Variants in DDHD2 observed in about 807,000 individuals in gnomAD.
DDHD2 encodes DDHD domain containing 2, also known as triacylglycerol hydrolase DDHD2.
A neutral mutation model predicts 91.2 loss-of-function variants in DDHD2; 62 were observed. The observed-to-expected ratio is 0.68, with a 90% CI of 0.55 to 0.84. DDHD2 has a LOEUF of 0.84. Among genes scored for constraint, DDHD2 ranks in the 40% least tolerant of loss-of-function variants. DDHD2 has a pLI of 0.00. For missense variants in DDHD2, 740 were observed against 846.9 expected (o/e 0.87, Z 1.57); for synonymous variants, 271 against 293.9 (o/e 0.92, Z 0.80).
chr8:38,254,312 C>A (rs1806345320), intron 16 of DDHD2, among the ~76,000 whole-genome samples: 1 of 152,128 alleles, frequency 6.6e-6, no homozygotes, highest in Admixed American at 6.5e-5. Flanking sequence ...ACAAATATTA[C>A]TGTTGCTGGA....
chr8:38,241,401 C>CT (rs1372174609), intron 6 of DDHD2, among the ~76,000 whole-genome samples: 11 of 149,150 alleles, frequency 7.4e-5, no homozygotes, highest in East Asian at 3.9e-4. Flanking sequence ...TTTCCTTTTC[C>CT]TTTTTTTTTG....
At chr8:38,243,083 AT>A (rs1269392675) in intron 7 of DDHD2, among the ~76,000 whole-genome samples, 3 of 152,134 alleles carry the variant, frequency 2.0e-5, no homozygotes, top group Non-Finnish European at 2.9e-5. Context: ...GTACCCTGTG[AT>A]TTGGGTATAT....
chr8:38,256,612 G>A (rs1045297243), intron 16 of DDHD2, among the ~76,000 whole-genome samples: 1 of 152,138 alleles, frequency 6.6e-6, no homozygotes, highest in Non-Finnish European at 1.5e-5. Flanking sequence ...CATGATCAAT[G>A]TTGTGTATAT....
chr8:38,267,806 GAGAA>G, downstream of DDHD2: 2 of 1,274,128 alleles, frequency 1.6e-6, no homozygotes, highest in South Asian at 2.5e-5. Flanking sequence ...AGAAAAGAAT[GAGAA>G]AGACGTGTGG....
downstream of DDHD2, chr8:38,272,880 T>C (rs928914469): frequency 6.6e-6 from 1 of 152,236 alleles, no homozygotes; most frequent in African/African-American, 2.4e-5. Context: ...CAATTTTCTC[T>C]TTCTGCATCT....
In DDHD2 at chr8:38,243,593, C is replaced by T. The variant is rs182348187; in HGVS notation, c.848+1208C>T. On this transcript the variant is annotated intron_variant, in intron 7 of 17. Transcript: ENST00000397166. ...GTATCTTCATACCTTATCTAATGCC[C>T]CTTCATCACCATATGATTTTTATCT... is the stretch of plus-strand genomic sequence containing the variant. Among the ~76,000 whole-genome samples, 191 of 152,150 alleles carry T rather than the reference C, an allele frequency of 1.3e-3. 1 individual carries two copies. Among genetic ancestry groups the T allele is most frequent in the African/African-American group, 4.2e-3 (176 of 41,522 alleles).
intron 1 of DDHD2, chr8:38,269,349 T>C: frequency 2.5e-6 from 2 of 809,562 alleles, no homozygotes; most frequent in South Asian, 4.7e-5. Flanking sequence ...GAGGGCATCG[T>C]CTGGCAAAGG....
Position 38,238,711 on chromosome 8 carries a change from T to C in DDHD2, c.622+502T>C, listed in dbSNP as rs1805002002. 5.2e-6 allele frequency: 5 copies of C among 956,886 alleles called. No homozygotes were observed. The South Asian group carries it at 2.4e-4, about 46-fold the overall frequency. The allele number at this position is 956,886 out of a possible 1,614,324, so 59.3% of individuals were successfully genotyped here. On this transcript the variant is annotated intron_variant, in intron 5 of 17. Coordinates refer to ENST00000397166, the MANE Select transcript of DDHD2 (RefSeq NM_015214.3). ...TTACTGTAATTTAAAAAGATGAGTT[T>C]AAAATTTCAGGCTTTAAAAACATAC...
Position 38,234,374 on chromosome 8 carries a change from C to T in DDHD2, c.221-20C>T. ...TATTTTGAAATATGTACTTCTTTTC[C>T]CCTTTTCAATCCTTGAAAGGAAAAG... On this transcript the variant is annotated intron_variant, in intron 2 of 17. Coordinates refer to ENST00000397166, the MANE Select transcript of DDHD2 (RefSeq NM_015214.3). The T allele has an allele frequency of 1.3e-6, 2 of 1,524,684 alleles. No individual in the cohort carries two copies. Among genetic ancestry groups the T allele is most frequent in the South Asian group, 1.3e-5 (1 of 78,430 alleles). The allele number at this position is 1,524,684 out of a possible 1,614,324, so 94.4% of individuals were successfully genotyped here.
At chr8:38,268,361 T>C in intron 1 of DDHD2, 1 of 1,560,236 alleles carries the variant, frequency 6.4e-7, no homozygotes. Context: ...CCGAAAGGGC[T>C]AGCGCTCACC....
chr8:38,244,412 G>A (rs778885379), intron 7 of DDHD2, among the ~76,000 whole-genome samples: 41 of 146,112 alleles, frequency 2.8e-4, no homozygotes, highest in African/African-American at 9.9e-4. Context: ...ACAGTCATGC[G>A]CCACAATGCC....
At chr8:38,268,900 G>A (rs374355931) in intron 1 of DDHD2, 14 of 1,557,224 alleles carry the variant, frequency 9.0e-6, no homozygotes, top group Non-Finnish European at 1.1e-5. Context: ...GCTTGGTGGG[G>A]AAATACTCCG....
intron 6 of DDHD2, 195 bp from the exon 7 acceptor site, chr8:38,242,055 A>G: frequency 2.0e-6 from 1 of 492,648 alleles, no homozygotes; most frequent in Non-Finnish European, 3.5e-6. Flanking sequence ...CTCCATCTCA[A>G]AAAAAAAAAG....
rs968790257 is a variant in DDHD2 at position 38,233,452 on chromosome 8, A to AT, written c.220+247dup. Among the ~76,000 whole-genome samples the AT allele has an allele frequency of 7.9e-5, 12 of 151,174 alleles. 1 individual carries two copies. The highest frequency in any genetic ancestry group is 6.8e-3 in the Middle Eastern group (2 of 294). On this transcript the variant is annotated intron_variant, in intron 2 of 17. Transcript: ENST00000397166. ...ATTATTTCTGCATAGTTACCCAATA[A>AT]TTTTTTTTTCCTTAGAGTTGGGGGC...
chr8:38,269,860 AAATAT>A, intron 1 of DDHD2: 1 of 152,370 alleles, frequency 6.6e-6, no homozygotes, highest in East Asian at 1.9e-4. Flanking sequence ...ACATCTCAGT[AAATAT>A]AATGTACAAA....
At chr8:38,235,687 C>T (rs1209142470) in intron 3 of DDHD2, among the ~76,000 whole-genome samples, 1 of 148,122 alleles carries the variant, frequency 6.8e-6, no homozygotes, top group Non-Finnish European at 1.5e-5. Context: ...CACCATTGAA[C>T]TACAGCCTGG....
chr8:38,245,275 T>C (rs1805534331), intron 7 of DDHD2, among the ~76,000 whole-genome samples: 3 of 151,566 alleles, frequency 2.0e-5, no homozygotes, highest in Admixed American at 6.6e-5. Context: ...CTACTAAAAA[T>C]ACAAAAATTA....
Position 38,237,537 on chromosome 8 carries a change from G to A in DDHD2, c.412-1G>A. The A allele has an allele frequency of 6.4e-7, 1 of 1,554,308 alleles. No individual in the cohort carries two copies. The highest frequency in any genetic ancestry group is 8.8e-7 in the Non-Finnish European group (1 of 1,135,422). ...TCTAATGAAATGTGTTTTCTTTTAA[G>A]GAAACTTACATGCTTGCTGTAACTT... is the stretch of plus-strand genomic sequence containing the variant. On this transcript the variant is annotated splice_acceptor_variant, in intron 3 of 17. Coordinates refer to ENST00000397166, the MANE Select transcript of DDHD2 (RefSeq NM_015214.3). LOFTEE classifies it high-confidence loss of function.
chr8:38,266,184 C>T, downstream of DDHD2: 2 of 1,614,038 alleles, frequency 1.2e-6, no homozygotes, highest in East Asian at 2.2e-5. Context: ...ACAGTGCAAT[C>T]ACAGCTGCAA....
Sources: gnomAD v4.1 joint callset for allele counts (sites outside exome capture counted in the v4.1 genomes callset) on GRCh38, gnomAD v4.1.1 for gene constraint, MANE v1.5 for transcripts, NCBI Gene and HGNC (gene_info 2026-07-23, HGNC 2026-07-21) for gene names.